Variants in HECW1 observed in about 807,000 individuals in gnomAD.
HECW1 encodes E3 ubiquitin-protein ligase HECW1.
A neutral mutation model predicts 182.3 loss-of-function variants in HECW1; 61 were observed. That is an observed-to-expected ratio of 0.33 (90% CI 0.27 to 0.41). The LOEUF is 0.41. Ranked by LOEUF, HECW1 falls within the 10% of genes least tolerant of loss-of-function variation. HECW1 has a pLI of 1.00. For synonymous variants in HECW1, 859 were observed against 832.6 expected, an observed-to-expected ratio of 1.03 and a Z score of -0.55; for missense variants, 1,739 against 2,108.9, an observed-to-expected ratio of 0.82 and a Z score of 3.44.
chr7:43,256,620 A>AG (rs1800608505), intron 3 of HECW1, among the ~76,000 whole-genome samples: 1 of 151,876 alleles, frequency 6.6e-6, no homozygotes, highest in Non-Finnish European at 1.5e-5. Context: ...AAAAAAAAAA[A>AG]AAAAAAGAAA....
chr7:43,428,561 G>A (rs2076431898), intron 8 of HECW1, among the ~76,000 whole-genome samples: 1 of 152,184 alleles, frequency 6.6e-6, no homozygotes, highest in African/African-American at 2.4e-5. Flanking sequence ...AGGAAAGAAT[G>A]GACTCTAGAG....
At chr7:43,484,336 G>A (rs1002907524) in intron 17 of HECW1, 2 of 152,260 alleles carry the variant, frequency 1.3e-5, no homozygotes, top group African/African-American at 4.8e-5. Flanking sequence ...AGTTGATAAT[G>A]TGTGTGAAAA....
At chr7:43,361,161 G>T (rs1367365338) in intron 6 of HECW1, among the ~76,000 whole-genome samples, 181 bp downstream of exon 6, 2 of 151,896 alleles carry the variant, frequency 1.3e-5, no homozygotes, top group Non-Finnish European at 2.9e-5. Flanking sequence ...ACCTCAAAAT[G>T]GTCAAGAGGA....
intron 6 of HECW1, among the ~76,000 whole-genome samples, chr7:43,373,230 G>A (rs2074188486): frequency 7.4e-6 from 1 of 135,756 alleles, no homozygotes; most frequent in South Asian, 2.5e-4. Context: ...TTCTTTTTGA[G>A]ACAGAGTCTC....
At chr7:43,554,519 ATCTC>A in intron 28 of HECW1, 69 bp from the exon 29 acceptor site, 1 of 1,302,022 alleles carries the variant, frequency 7.7e-7, no homozygotes, top group Non-Finnish European at 1.1e-6. Context: ...GATGTGTTTG[ATCTC>A]TCTCTCCCTC....
intron 2 of HECW1, among the ~76,000 whole-genome samples, chr7:43,114,715 T>A (rs1784907088): frequency 6.7e-6 from 1 of 148,526 alleles, no homozygotes; most frequent in Admixed American, 6.7e-5. Flanking sequence ...GGCTGCTTTG[T>A]GGAATGACAG....
chr7:43,402,113 A>T (rs897743462), intron 7 of HECW1, among the ~76,000 whole-genome samples: 1 of 152,130 alleles, frequency 6.6e-6, no homozygotes, highest in Non-Finnish European at 1.5e-5. Context: ...TACCTCCGCC[A>T]ATCACTGAAA....
intron 3 of HECW1, among the ~76,000 whole-genome samples, chr7:43,251,780 G>C (rs999020178): frequency 8.5e-5 from 13 of 152,152 alleles, no homozygotes; most frequent in African/African-American, 2.7e-4. Context: ...GTCCTTCTCA[G>C]ACTCTTTCTT....
intron 3 of HECW1, among the ~76,000 whole-genome samples, chr7:43,305,613 T>G (rs1238425094): frequency 1.3e-5 from 2 of 148,428 alleles, no homozygotes; most frequent in Non-Finnish European, 2.9e-5. Context: ...GTTGTTGTTG[T>G]TTGTTGTTTG....
chr7:43,251,441 G>C (rs1800019255), intron 3 of HECW1, among the ~76,000 whole-genome samples: 1 of 152,158 alleles, frequency 6.6e-6, no homozygotes, highest in East Asian at 1.9e-4. Context: ...TCAGCCTCCT[G>C]AGTAGCTGGG....
rs1585317171 is a variant in HECW1 at position 43,563,334 on chromosome 7, A to G, written c.*1408A>G. 9.5e-6 allele frequency: 2 copies of G among 209,974 alleles called. No homozygotes were observed. The highest frequency in any genetic ancestry group is 1.9e-5 in the Non-Finnish European group (2 of 103,480). The allele number at this position is 209,974 out of a possible 1,614,324, so 13.0% of individuals were successfully genotyped here. On this transcript the variant is annotated 3_prime_UTR_variant, in exon 30 of 30. Coordinates refer to ENST00000395891, the MANE Select transcript of HECW1 (RefSeq NM_015052.5). ...CTACATTTGAAATAAACCCAACCAT[A>G]ATGGTCATTTGCTATTTTTCTAACG...
intron 6 of HECW1, among the ~76,000 whole-genome samples, chr7:43,376,028 G>GTA (rs201447283): frequency 1.3e-4 from 20 of 149,202 alleles, no homozygotes; most frequent in African/African-American, 3.9e-4. Context: ...TATGAAATAT[G>GTA]TATATATATA....
chr7:43,561,348 G>C (rs913654723), intron 29 of HECW1, among the ~76,000 whole-genome samples: 1 of 152,204 alleles, frequency 6.6e-6, no homozygotes, highest in Non-Finnish European at 1.5e-5. Flanking sequence ...CACTTGACTT[G>C]AATGGAGAAC....
rs141543210 is a variant in HECW1 at position 43,389,532 on chromosome 7, G to A, written c.556-7282G>A. 7.9e-5 allele frequency among the ~76,000 whole-genome samples: 12 copies of A among 152,290 alleles called. No individual in the cohort carries two copies. The East Asian group carries it at 1.7e-3, about 22-fold the overall frequency. Reference sequence around the variant, plus strand: ...AGAATCACTTTACACCCTAAGAACCGTCAGGGAAAATCTACTATTGGATTA... The same window carrying A: ...AGAATCACTTTACACCCTAAGAACCATCAGGGAAAATCTACTATTGGATTA... On this transcript the variant is annotated intron_variant, in intron 6 of 29. Transcript: ENST00000395891.
intron 6 of HECW1, among the ~76,000 whole-genome samples, chr7:43,364,789 C>G (rs1314862578): frequency 1.3e-5 from 2 of 152,234 alleles, no homozygotes; most frequent in Non-Finnish European, 2.9e-5. Context: ...ATTAGTAGCA[C>G]CTATCACGTT....
intron 2 of HECW1, among the ~76,000 whole-genome samples, chr7:43,218,207 A>C (rs375115908): frequency 6.6e-6 from 1 of 152,344 alleles, no homozygotes; most frequent in East Asian, 1.9e-4. Context: ...ATTCAGTGTA[A>C]GATATATTTA....
In HECW1 at chr7:43,444,734, G is replaced by T. The variant is rs1430126341; in HGVS notation, c.1562G>T (p.Arg521Met). The change falls in exon 11 of 30, where the codon AGG (arginine) becomes ATG (methionine). Residue 521 changes from arginine to methionine, a missense_variant. Coordinates refer to ENST00000395891, the MANE Select transcript of HECW1 (RefSeq NM_015052.5). The surrounding 1 kb of genome is among the most constrained non-coding windows in gnomAD (Gnocchi z 4.3). ...DVSTLEQGEG[R>M]LQLRASVKRK... ...TCTACCCTGGAGCAGGGAGAGGGCA[G>T]GCTGCAGCTGCGGGCCTCGGTGAAG... 1 of 1,613,246 alleles carries T rather than the reference G, an allele frequency of 6.2e-7. No homozygotes were observed. Among genetic ancestry groups the T allele is most frequent in the African/African-American group, 1.3e-5 (1 of 74,900 alleles).
In HECW1 at chr7:43,246,777, A is replaced by G. The variant is rs1280417103; in HGVS notation, c.27+2845A>G. Among the ~76,000 whole-genome samples, 4 of 152,232 alleles carry G rather than the reference A, an allele frequency of 2.6e-5. No individual in the cohort carries two copies. The East Asian group carries it at 5.8e-4, about 22-fold the overall frequency. ...CTGTTAGGTCCCCTGAGAGGGCAAG[A>G]GAGAACTAACGTTTGTGACAGGGAA... On this transcript the variant is annotated intron_variant, in intron 3 of 29. Transcript: ENST00000395891.
rs141099410 is a variant in HECW1 at position 43,428,167 on chromosome 7, C to T, written c.802-9836C>T. On this transcript the variant is annotated intron_variant, in intron 8 of 29. Coordinates refer to ENST00000395891, the MANE Select transcript of HECW1 (RefSeq NM_015052.5). The stretch of plus-strand genomic sequence containing the variant: ...ACCCCACACCAGATGAAAAGTTTCA[C>T]TTTGCTTCCTCTTCAGAGAAGTCCA... Among the ~76,000 whole-genome samples the T allele has an allele frequency of 4.6e-5, 7 of 152,340 alleles. No homozygotes were observed. The East Asian group carries it at 1.3e-3, about 29-fold the overall frequency.
Sources: allele counts gnomAD v4.1 joint callset (sites outside exome capture counted in the v4.1 genomes callset), GRCh38; gene constraint gnomAD v4.1.1; non-coding constraint Gnocchi (gnomAD v3.1); transcripts MANE v1.5; gene names NCBI Gene and HGNC (gene_info 2026-07-23, HGNC 2026-07-21).